The following AGBL1 variants were observed in gnomAD, a reference collection of about 807,000 sequenced individuals.
The protein encoded by AGBL1 is cytosolic carboxypeptidase 4.
Under a neutral mutation model 118.9 loss-of-function variants are expected in AGBL1, and 130 were observed. That is an observed-to-expected ratio of 1.09 (90% confidence interval 0.95 to 1.26). AGBL1 has a LOEUF of 1.26. AGBL1 is among the 50% of genes most tolerant of loss of function. The pLI, the probability that AGBL1 is intolerant of heterozygous loss-of-function variation, is 0.00. For synonymous variants in AGBL1, 555 were observed against 478.9 expected (o/e 1.16, Z -2.08); for missense variants, 1,584 against 1,298.1 (o/e 1.22, Z -3.38).
chr15:86,639,327 A>C (rs1038093330), intron 21 of AGBL1, among the ~76,000 whole-genome samples: 1 of 152,150 alleles, frequency 6.6e-6, no homozygotes, highest in Admixed American at 6.5e-5. Context: ...GGTACAGTGA[A>C]GGAAGAGCAG....
chr15:86,750,764 A>AT (rs941685135), intron 22 of AGBL1, among the ~76,000 whole-genome samples: 2 of 151,776 alleles, frequency 1.3e-5, no homozygotes, highest in African/African-American at 4.8e-5. Context: ...CCTCTTAGTT[A>AT]TTTTTTCTCG....
intron 5 of AGBL1, among the ~76,000 whole-genome samples, chr15:86,218,784 TCCTTGG>T (rs1406567880): frequency 6.6e-6 from 1 of 152,150 alleles, no homozygotes; most frequent in Non-Finnish European, 1.5e-5. Context: ...GCCGGCAGTG[TCCTTGG>T]CCTTGGCACT....
intron 23 of AGBL1, among the ~76,000 whole-genome samples, chr15:86,983,525 T>C (rs1007252058): frequency 6.6e-6 from 1 of 152,200 alleles, no homozygotes; most frequent in African/African-American, 2.4e-5. Context: ...TTAACCCCTC[T>C]TTTGAATTTT....
chr15:86,352,588 TC>T (rs2080644830), intron 17 of AGBL1, among the ~76,000 whole-genome samples: 1 of 152,138 alleles, frequency 6.6e-6, no homozygotes, highest in African/African-American at 2.4e-5. Context: ...TTAAAGCAAT[TC>T]TCCTGCTGCA....
At chr15:86,395,877 G>A (rs1201188600) in intron 17 of AGBL1, among the ~76,000 whole-genome samples, 3 of 151,546 alleles carry the variant, frequency 2.0e-5, no homozygotes, top group African/African-American at 7.3e-5. Flanking sequence ...CTTTAGCTCT[G>A]TTATCAAAAG....
chr15:86,088,049 C>G (rs1895780837), intron 1 of AGBL1: 1 of 152,320 alleles, frequency 6.6e-6, no homozygotes, highest in Non-Finnish European at 1.5e-5. Context: ...TACAGGGGAT[C>G]CCTGTTGCAA....
intron 2 of AGBL1, among the ~76,000 whole-genome samples, chr15:86,142,910 G>T (rs545777602): frequency 2.0e-5 from 3 of 152,184 alleles, no homozygotes; most frequent in Non-Finnish European, 1.5e-5. Context: ...CTCTTGCAGA[G>T]AATGCTACTT....
intron 18 of AGBL1, among the ~76,000 whole-genome samples, chr15:86,428,557 T>C (rs767979256): frequency 5.9e-5 from 9 of 152,352 alleles, no homozygotes; most frequent in Admixed American, 2.0e-4. Context: ...GTTTTTCATA[T>C]GTCTTTGTTA....
intron 17 of AGBL1, among the ~76,000 whole-genome samples, chr15:86,388,401 G>A (rs1020468053): frequency 2.6e-5 from 4 of 152,160 alleles, no homozygotes; most frequent in African/African-American, 9.7e-5. Flanking sequence ...TAGAATTAAA[G>A]CAGATTGAAA....
intron 1 of AGBL1, among the ~76,000 whole-genome samples, chr15:86,099,287 T>G (rs1194087137): frequency 6.6e-6 from 1 of 152,264 alleles, no homozygotes; most frequent in East Asian, 1.9e-4. Context: ...ATACCTTACA[T>G]TTATTCCCAA....
rs74440942 is a variant in AGBL1 at position 86,702,485 on chromosome 15, G to A, written c.3158+28049G>A. Among the ~76,000 whole-genome samples the A allele has an allele frequency of 1.7e-3, 266 of 152,076 alleles. 4 individuals are homozygous for A. In the East Asian group the frequency reaches 0.022, roughly 13 times the overall value. ...GGTTTACATTATTTTATCATCACTT[G>A]TTTCTCTTTTCTTACCCTTTCAAAA... On this transcript the variant is annotated intron_variant, in intron 22 of 22. Transcript: ENST00000614907.
At chr15:86,569,327 AG>A (rs1164734195) in intron 21 of AGBL1, among the ~76,000 whole-genome samples, 2 of 151,872 alleles carry the variant, frequency 1.3e-5, no homozygotes, top group Admixed American at 6.6e-5. Flanking sequence ...GCTACTTGGT[AG>A]GCTGAGGTTA....
intron 23 of AGBL1, among the ~76,000 whole-genome samples, chr15:86,947,830 T>C (rs1056200382): frequency 1.3e-5 from 2 of 152,236 alleles, no homozygotes; most frequent in African/African-American, 4.8e-5. Context: ...TCATACAGAT[T>C]ATCTGACGTT....
intron 22 of AGBL1, among the ~76,000 whole-genome samples, chr15:86,690,757 TTTGG>T (rs2086150719): frequency 1.3e-5 from 2 of 152,052 alleles, no homozygotes; most frequent in Admixed American, 1.3e-4. Flanking sequence ...TCAATTTCTG[TTTGG>T]TTGGGTGGTT....
chr15:86,404,261 C>T (rs2081490742), intron 18 of AGBL1, among the ~76,000 whole-genome samples: 1 of 152,168 alleles, frequency 6.6e-6, no homozygotes. Flanking sequence ...CCTAGCTGGG[C>T]TTGATCCTGG....
At chr15:86,904,141 A>T (rs1596615397) in intron 22 of AGBL1, among the ~76,000 whole-genome samples, 1 of 152,144 alleles carries the variant, frequency 6.6e-6, no homozygotes, top group African/African-American at 2.4e-5. Flanking sequence ...GCTAGAGGAA[A>T]CAAGCTCTTG....
In AGBL1 at chr15:86,785,018, A is replaced by G. The variant is rs2078386795; in HGVS notation, c.3158+110582A>G. Among the ~76,000 whole-genome samples, 3 of 152,218 alleles carry G rather than the reference A, an allele frequency of 2.0e-5. No individual in the cohort carries two copies. The South Asian group carries it at 6.2e-4, about 32-fold the overall frequency. ...ATAATAGTAATAATTATCAGTATAA[A>G]TTAAGAGGAAGGCTGTACTTTCTCG... On this transcript the variant is annotated intron_variant, in intron 22 of 22. Coordinates refer to ENST00000614907, the MANE Select transcript of AGBL1 (RefSeq NM_001386094.1).
intron 19 of AGBL1, among the ~76,000 whole-genome samples, chr15:86,538,853 GGA>G (rs908031556): frequency 6.6e-6 from 1 of 152,162 alleles, no homozygotes; most frequent in Non-Finnish European, 1.5e-5. Context: ...TGTTTGAGAG[GGA>G]GAGGGTAACC....
rs1311861601 is a variant in AGBL1 at position 86,912,149 on chromosome 15, AAAG to A, written c.*4860_*4862del. ...GTTTGTGTTATAGACAGGGAAACACAAAGAAGAGTTTGTGTTGTAGTTTCACTA... is the reference window on the plus strand; with the variant it reads ...GTTTGTGTTATAGACAGGGAAACACAAAGAGTTTGTGTTGTAGTTTCACTA... On this transcript the variant is annotated 3_prime_UTR_variant, in exon 23 of 23. Coordinates refer to ENST00000614907, the MANE Select transcript of AGBL1 (RefSeq NM_001386094.1). The A allele has an allele frequency of 1.3e-5, 2 of 152,238 alleles. No individual in the cohort carries two copies. Among genetic ancestry groups the A allele is most frequent in the Non-Finnish European group, 2.9e-5 (2 of 68,038 alleles). 9.4% of individuals were successfully genotyped at this position (152,238 alleles called of 1,614,324 possible).
Sources: gnomAD v4.1 joint callset for allele counts (sites outside exome capture counted in the v4.1 genomes callset) on GRCh38, gnomAD v4.1.1 for gene constraint, MANE v1.5 for transcripts, NCBI Gene and HGNC (gene_info 2026-07-23, HGNC 2026-07-21) for gene names.